The following COG5 variants were observed in gnomAD, a reference collection of about 807,000 sequenced individuals.
COG5 encodes the protein conserved oligomeric Golgi complex subunit 5.
A neutral mutation model predicts 110.4 loss-of-function variants in COG5; 86 were observed. The observed-to-expected ratio is 0.78, with a 90% CI of 0.65 to 0.93. COG5 has a LOEUF of 0.93. COG5 is among the 40% of genes least tolerant of loss of function. The pLI, the probability that COG5 is intolerant of heterozygous loss-of-function variation, is 0.00. For synonymous variants in COG5, 360 were observed against 334.6 expected, an observed-to-expected ratio of 1.08 and a Z score of -0.83; for missense variants, 1,077 against 987.0, an observed-to-expected ratio of 1.09 and a Z score of -1.22.
chr7:107,275,702 T>A (rs1210426530), intron 14 of COG5, among the ~76,000 whole-genome samples: 1 of 151,970 alleles, frequency 6.6e-6, no homozygotes, highest in Non-Finnish European at 1.5e-5. Context: ...TTTTGTACTT[T>A]TAGTAGAGAT....
intron 19 of COG5, among the ~76,000 whole-genome samples, chr7:107,214,860 G>A (rs1218241153): frequency 1.3e-5 from 2 of 151,140 alleles, no homozygotes; most frequent in African/African-American, 4.9e-5. Flanking sequence ...GGTGGTGGTT[G>A]TAGTGAGCCA....
chr7:107,446,139 C>T lies in COG5; in HGVS notation c.539-33507G>A, dbSNP rs1164342275. On this transcript the variant is annotated intron_variant, in intron 6 of 21. Coordinates refer to ENST00000297135, the MANE Select transcript of COG5 (RefSeq NM_006348.5). ...GACAAGGTAAATCAGTGATAGTCTT[C>T]TATATTCAACCATTCCTTTAACTTA... Among the ~76,000 whole-genome samples the T allele has an allele frequency of 7.2e-5, 11 of 152,302 alleles. No individual in the cohort carries two copies. The East Asian group carries it at 2.1e-3, about 29-fold the overall frequency.
intron 19 of COG5, among the ~76,000 whole-genome samples, chr7:107,227,689 A>G (rs1418837221): frequency 7.1e-6 from 1 of 141,522 alleles, no homozygotes; most frequent in African/African-American, 2.6e-5. Flanking sequence ...GAAACTTAGC[A>G]CTATTTTTTT....
chr7:107,244,443 A>G (rs1263619755), intron 17 of COG5, among the ~76,000 whole-genome samples: 2 of 152,180 alleles, frequency 1.3e-5, no homozygotes, highest in Non-Finnish European at 2.9e-5. Flanking sequence ...CAAATCAACA[A>G]AGTTAGCAGA....
At chr7:107,258,143 GTTTAT>G in intron 15 of COG5, 125 bp downstream of exon 15, 1 of 653,808 alleles carries the variant, frequency 1.5e-6, no homozygotes, top group Non-Finnish European at 2.7e-6. Flanking sequence ...TAACTCCTTA[GTTTAT>G]TTTATAATCA....
intron 5 of COG5, among the ~76,000 whole-genome samples, chr7:107,529,715 G>A (rs749297484): frequency 5.9e-5 from 9 of 152,156 alleles, no homozygotes; most frequent in African/African-American, 1.4e-4. Context: ...TCTTCCAAGC[G>A]TACTTTCCTT....
chr7:107,522,630 A>C (rs1398324886), intron 6 of COG5, among the ~76,000 whole-genome samples: 1 of 152,188 alleles, frequency 6.6e-6, no homozygotes, highest in Admixed American at 6.5e-5. Context: ...GAAAAAAATA[A>C]AAATAAAAAT....
chr7:107,233,660 C>T (rs913907671), intron 18 of COG5, among the ~76,000 whole-genome samples: 1 of 152,082 alleles, frequency 6.6e-6, no homozygotes, highest in African/African-American at 2.4e-5. Flanking sequence ...ATCACAAGAA[C>T]AGTTTTTAAA....
In COG5 at chr7:107,233,962, A is replaced by G. The variant is rs919034517; in HGVS notation, c.2091+2488T>C. ...CCTTGAAATTTTAATTTTAATTTAAAAAGTGGGTGGGGGAGACCATGACAT... is the reference window on the plus strand; with the variant it reads ...CCTTGAAATTTTAATTTTAATTTAAGAAGTGGGTGGGGGAGACCATGACAT... On this transcript the variant is annotated intron_variant, in intron 18 of 21. Coordinates refer to ENST00000297135, the MANE Select transcript of COG5 (RefSeq NM_006348.5). Among the ~76,000 whole-genome samples the G allele has an allele frequency of 3.9e-5, 6 of 152,342 alleles. No individual in the cohort carries two copies. The East Asian group carries it at 7.7e-4, about 20-fold the overall frequency.
chr7:107,533,811 G>C (rs192834600), intron 5 of COG5, among the ~76,000 whole-genome samples: 1 of 151,582 alleles, frequency 6.6e-6, no homozygotes, highest in East Asian at 1.9e-4. Context: ...AGGAAATACA[G>C]AGAAGACCAC....
rs1245062660 is a variant in COG5, at chr7:107,295,431, A to G, written c.1313+2711T>C. On this transcript the variant is annotated intron_variant, in intron 12 of 21. Coordinates refer to ENST00000297135, the MANE Select transcript of COG5 (RefSeq NM_006348.5). ...TTTATTTGCTTCATAGCAATTATCA[A>G]TACTGAAAATTTGACACAAGTAATG... is the stretch of plus-strand genomic sequence containing the variant. 3.3e-5 allele frequency among the ~76,000 whole-genome samples: 5 copies of G among 152,190 alleles called. No individual in the cohort carries two copies. The East Asian group carries it at 9.7e-4, about 30-fold the overall frequency.
At chr7:107,509,261 G>A (rs4610672) in intron 6 of COG5, among the ~76,000 whole-genome samples, 60,665 of 152,006 alleles carry the variant, frequency 0.4, 12,777 homozygotes, top group Non-Finnish European at 0.47. Flanking sequence ...CAGAAGCCTC[G>A]GGAGCTGATG....
chr7:107,269,424 G>A (rs769170829), intron 14 of COG5, among the ~76,000 whole-genome samples: 6 of 150,314 alleles, frequency 4.0e-5, no homozygotes, highest in South Asian at 2.1e-4. Flanking sequence ...GCAGTGAGCC[G>A]AGATCGTGCC....
intron 10 of COG5, among the ~76,000 whole-genome samples, chr7:107,354,649 C>T (rs1812471769): frequency 5.9e-5 from 9 of 152,154 alleles, no homozygotes. Context: ...GCACTCTAGG[C>T]TGGGCGACAA....
At chr7:107,219,330 C>T (rs1799738225) in intron 19 of COG5, among the ~76,000 whole-genome samples, 1 of 152,174 alleles carries the variant, frequency 6.6e-6, no homozygotes, top group South Asian at 2.1e-4. Flanking sequence ...AGCAACCCCA[C>T]TTGAGTACAT....
At chr7:107,404,357 C>A (rs1180649918) in intron 7 of COG5, among the ~76,000 whole-genome samples, 2 of 152,070 alleles carry the variant, frequency 1.3e-5, no homozygotes, top group African/African-American at 2.4e-5. Context: ...AAACTAAGTG[C>A]GTAATCATTC....
chr7:107,496,791 T>TA (rs1194585064), intron 6 of COG5, among the ~76,000 whole-genome samples: 1 of 151,830 alleles, frequency 6.6e-6, no homozygotes, highest in African/African-American at 2.4e-5. Flanking sequence ...CATTTCATGA[T>TA]AAAAACATTT....
At chr7:107,343,247 GA>G (rs545118074) in intron 10 of COG5, among the ~76,000 whole-genome samples, 46 of 152,228 alleles carry the variant, frequency 3.0e-4, no homozygotes, top group African/African-American at 9.6e-4. Context: ...GGCAAAGGTT[GA>G]AAAACTGTTG....
chr7:107,283,536 A>C, intron 13 of COG5, 35 bp downstream of exon 13: 1 of 1,574,950 alleles, frequency 6.3e-7, no homozygotes, highest in Non-Finnish European at 8.7e-7. Flanking sequence ...TATGGCAGTC[A>C]TCTTATGGCA....
Sources: allele counts gnomAD v4.1 joint callset (sites outside exome capture counted in the v4.1 genomes callset), GRCh38; gene constraint gnomAD v4.1.1; transcripts MANE v1.5; gene names NCBI Gene and HGNC (gene_info 2026-07-23, HGNC 2026-07-21).